The following WDFY3 variants were observed in gnomAD, a reference collection of about 807,000 sequenced individuals.
The protein encoded by WDFY3 is WD repeat and FYVE domain containing 3, also known as WD repeat and FYVE domain-containing protein 3.
In WDFY3, 66 loss-of-function variants were observed where a neutral mutation model predicts 409.6. That is an observed-to-expected ratio of 0.16 (90% CI 0.13 to 0.20). The LOEUF (loss-of-function observed/expected upper bound fraction) is 0.20. WDFY3 is among the 10% of genes least tolerant of loss of function. The probability of loss-of-function intolerance (pLI) is 1.00; values close to 1 mark genes in which losing one functional copy is unlikely to be tolerated. For synonymous variants in WDFY3, 1,521 were observed against 1,537.1 expected (o/e 0.99, Z 0.25); for missense variants, 3,031 against 4,298.1 (o/e 0.71, Z 8.24).
At chr4:84,838,560 C>T (rs1354230826) in intron 6 of WDFY3, among the ~76,000 whole-genome samples, 1 of 152,100 alleles carries the variant, frequency 6.6e-6, no homozygotes, top group Non-Finnish European at 1.5e-5. Context: ...ACTAACCCCC[C>T]AAACCACATG....
At chr4:84,808,295 C>A (rs1284729979) in intron 15 of WDFY3, 39 bp downstream of exon 15, 3 of 1,517,378 alleles carry the variant, frequency 2.0e-6, no homozygotes, top group South Asian at 1.2e-5. Flanking sequence ...AAAGGAACCC[C>A]ACACAAATAG....
chr4:84,800,685 T>A (rs1435805545), intron 17 of WDFY3, among the ~76,000 whole-genome samples: 1 of 152,120 alleles, frequency 6.6e-6, no homozygotes, highest in Non-Finnish European at 1.5e-5. Flanking sequence ...GGAAGACAAT[T>A]TTTTCACAGA....
chr4:84,956,935 C>A (rs892963327), intron 1 of WDFY3, among the ~76,000 whole-genome samples: 6 of 147,486 alleles, frequency 4.1e-5, no homozygotes, highest in Admixed American at 2.0e-4. Context: ...ATATTATACA[C>A]AAATATACTA....
intron 44 of WDFY3, among the ~76,000 whole-genome samples, chr4:84,728,536 T>C (rs2149131508): frequency 6.6e-6 from 1 of 151,988 alleles, no homozygotes; most frequent in Admixed American, 6.5e-5. Context: ...TTAAAACAAA[T>C]GAATAAAAAA....
rs1751878930 is a variant in WDFY3 at position 84,808,338 on chromosome 4, T to C, written c.2425A>G (p.Lys809Glu). The change falls in exon 15 of 68, where the codon AAA (lysine) becomes GAA (glutamate). Residue 809 changes from lysine (K) to glutamate (E), a missense_variant. Physicochemically the swap from Lys to Glu is moderately conservative, Grantham distance 56. Transcript: ENST00000295888. ...CTTCTCTTATATGATCAGTACCTTT[T>C]CCTGGACAAAGCTGGTGTACCCCAA... Reference protein sequence around the residue: ...SPWGTPALSRKRHAYHSVSTP... With the variant: ...SPWGTPALSRERHAYHSVSTP... 1.2e-6 allele frequency: 2 copies of C among 1,613,440 alleles called. No individual in the cohort carries two copies.
rs147661829 is a variant in WDFY3, at chr4:84,829,066, T to C, written c.894A>G (p.Gln298=). 8.8e-4 allele frequency: 1,428 copies of C among 1,613,816 alleles called. 1 individual carries two copies. The highest frequency in any genetic ancestry group is 2.1e-3 in the Middle Eastern group (13 of 6,058). ...ATATCCGAAAATCATCCAGAAGTGT[T>C]TGGGAAACATCGCTGGAATCTTTGA... is the stretch of plus-strand genomic sequence containing the variant. ...CFLKDSSDVS[Q]TLLDDFRIWQ... The change falls in exon 9 of 68, where the codon CAA becomes CAG. Residue 298 remains glutamine (Q), a synonymous_variant. Transcript: ENST00000295888.
At chr4:84,834,888 G>C (rs1169197526) in intron 7 of WDFY3, among the ~76,000 whole-genome samples, 1 of 152,128 alleles carries the variant, frequency 6.6e-6, no homozygotes, top group Non-Finnish European at 1.5e-5. Flanking sequence ...GTGTCAATTG[G>C]TTTCCTAGAC....
At chr4:84,903,588 G>A (rs943885312) in intron 2 of WDFY3, among the ~76,000 whole-genome samples, 1 of 152,088 alleles carries the variant, frequency 6.6e-6, no homozygotes, top group African/African-American at 2.4e-5. Context: ...CCAAAGTGCT[G>A]GGGTTACAGG....
rs575021938 is a variant in WDFY3 at position 84,797,847 on chromosome 4, A to C, written c.2935+149T>G. ...CGGCCTCCCAAAGTGCTGGGATTAC[A>C]GGCGTGAGCCACCGCGCCGGGCCTG... On this transcript the variant is annotated intron_variant, in intron 18 of 67. Coordinates refer to ENST00000295888, the MANE Select transcript of WDFY3 (RefSeq NM_014991.6). The C allele has an allele frequency of 4.4e-5, 27 of 609,114 alleles. 1 individual carries two copies. The South Asian group carries it at 6.6e-4, about 15-fold the overall frequency. The allele number at this position is 609,114 out of a possible 1,614,324, so 37.7% of individuals were successfully genotyped here.
intron 47 of WDFY3, among the ~76,000 whole-genome samples, chr4:84,720,753 A>T (rs1734726996): frequency 6.6e-6 from 1 of 152,238 alleles, no homozygotes; most frequent in Admixed American, 6.5e-5. Context: ...CTGTTTCTTT[A>T]TAAATTATCC....
rs886318005 is a variant in WDFY3 at position 84,829,144 on chromosome 4, A to T, written c.816T>A (p.Asp272Glu). The T allele has an allele frequency of 1.2e-6, 2 of 1,612,450 alleles. No homozygotes were observed. Among genetic ancestry groups the T allele is most frequent in the African/African-American group, 1.3e-5 (1 of 75,006 alleles). The stretch of plus-strand genomic sequence containing the variant: ...CGACAATTTCTAGGGGAGACAGGTC[A>T]TCTGATTGCTGCATATTCTGAACAC... ...STCVQNMQQS[D>E]DLSPLEIVEM... The change falls in exon 9 of 68, where the codon GAT (aspartate) becomes GAA (glutamate). Residue 272 changes from aspartate to glutamate, a missense_variant. This residue lies in a region of WDFY3 where 1,322 missense variants were observed against 1,697.9 expected (regional missense o/e 0.78). Transcript: ENST00000295888.
intron 29 of WDFY3, 90 bp from the exon 30 acceptor site, chr4:84,773,019 AAAAACCAAAACAGTACTT>A: frequency 9.6e-7 from 1 of 1,044,046 alleles, no homozygotes; most frequent in Admixed American, 3.4e-5. Flanking sequence ...TACAAAGAAT[AAAAACCAAAACAGTACTT>A]TTTTTTTTTT....
At chr4:84,794,803 C>A in intron 20 of WDFY3, 66 bp from the exon 21 acceptor site, 1 of 1,514,026 alleles carries the variant, frequency 6.6e-7, no homozygotes, top group South Asian at 1.3e-5. Context: ...AAGATGCCAA[C>A]AAAAGCAAAT....
intron 27 of WDFY3, among the ~76,000 whole-genome samples, chr4:84,777,614 A>G (rs1304918008): frequency 6.6e-6 from 1 of 152,098 alleles, no homozygotes; most frequent in Non-Finnish European, 1.5e-5. Context: ...CAGTAAAGCA[A>G]TTAGGGCACA....
At chr4:84,913,819 C>T (rs891270806) in intron 2 of WDFY3, among the ~76,000 whole-genome samples, 1 of 151,904 alleles carries the variant, frequency 6.6e-6, no homozygotes, top group Non-Finnish European at 1.5e-5. Flanking sequence ...GTGCCTGCCT[C>T]TCCTGCCTCC....
chr4:84,701,362 T>G (rs1731044920), intron 56 of WDFY3, among the ~76,000 whole-genome samples: 1 of 152,198 alleles, frequency 6.6e-6, no homozygotes, highest in Non-Finnish European at 1.5e-5. Context: ...GTAGAGTTGC[T>G]GATGGACAAT....
intron 32 of WDFY3, among the ~76,000 whole-genome samples, chr4:84,761,421 T>A (rs965140857): frequency 6.6e-6 from 1 of 152,158 alleles, no homozygotes; most frequent in African/African-American, 2.4e-5. Flanking sequence ...AAGTCTCCCA[T>A]TATAAATGTG....
chr4:84,783,219 C>G lies in WDFY3; in HGVS notation c.4063-145G>C, dbSNP rs964689023. The G allele has an allele frequency of 4.1e-6, 3 of 735,582 alleles. No individual in the cohort carries two copies. In the East Asian group the frequency reaches 8.1e-5, roughly 20 times the overall value. The allele number at this position is 735,582 out of a possible 1,614,324, so 45.6% of individuals were successfully genotyped here. On this transcript the variant is annotated intron_variant, in intron 24 of 67. Coordinates refer to ENST00000295888, the MANE Select transcript of WDFY3 (RefSeq NM_014991.6). ...CTGAAAAACGAGCATTTAGGTCCAG[C>G]CTGGTGGCTCATGCCTATAATCCTA...
intron 35 of WDFY3, among the ~76,000 whole-genome samples, chr4:84,752,552 G>T (rs1304030667): frequency 6.6e-6 from 1 of 150,404 alleles, no homozygotes; most frequent in Non-Finnish European, 1.5e-5. Context: ...AAAAGATGCT[G>T]ACAAGGAAAA....
Sources: gnomAD v4.1 joint callset for allele counts (sites outside exome capture counted in the v4.1 genomes callset) on GRCh38, gnomAD v4.1.1 for gene constraint, gnomAD v4.1.1 regional missense constraint, MANE v1.5 for transcripts, NCBI Gene and HGNC (gene_info 2026-07-23, HGNC 2026-07-21) for gene names.